Variants in DAGLA observed in about 807,000 individuals in gnomAD.
DAGLA encodes diacylglycerol lipase alpha, also known as diacylglycerol lipase-alpha.
Under a neutral mutation model 102.6 loss-of-function variants are expected in DAGLA, and 22 were observed. The observed-to-expected ratio is 0.21, with a 90% CI of 0.15 to 0.31. The LOEUF (loss-of-function observed/expected upper bound fraction) is 0.31. DAGLA is among the 10% of genes least tolerant of loss of function. The pLI is 1.00. For synonymous variants in DAGLA, 578 were observed against 628.9 expected, an observed-to-expected ratio of 0.92 and a Z score of 1.21; for missense variants, 927 against 1,446.6, an observed-to-expected ratio of 0.64 and a Z score of 5.83.
At chr11:61,730,554 G>A (rs909199403) in intron 8 of DAGLA, among the ~76,000 whole-genome samples, 5 of 152,094 alleles carry the variant, frequency 3.3e-5, no homozygotes, top group Admixed American at 1.3e-4. Context: ...TCCCTCTCCC[G>A]GTGCCTGGGG....
At chr11:61,713,146 A>C (rs1204054889) in intron 1 of DAGLA, among the ~76,000 whole-genome samples, 1 of 152,170 alleles carries the variant, frequency 6.6e-6, no homozygotes, top group Non-Finnish European at 1.5e-5. Flanking sequence ...GTGCTATCCC[A>C]CATGATTGTG....
chr11:61,695,658 C>G (rs2065058958), intron 1 of DAGLA, among the ~76,000 whole-genome samples: 1 of 152,222 alleles, frequency 6.6e-6, no homozygotes, highest in Non-Finnish European at 1.5e-5. Flanking sequence ...TTGTGCCTGG[C>G]TTTCTGTTCT....
Position 61,741,277 on chromosome 11 carries a change from C to A in DAGLA, c.2099C>A (p.Pro700His). ...CTCATCTTCCAGCAGCAGCCACTCC[C>A]CACGGGGCCGCCCATGCCCACTGGC... ...PELIFQQQPL[P>H]TGPPMPTGLA... Residue 700 changes from proline to histidine, a missense_variant, in exon 19 of 20, where the codon CCC (proline) becomes CAC (histidine). Pro to His is a moderately conservative substitution (Grantham distance 77). Around this residue, in one of 4 missense-constraint regions of DAGLA, gnomAD observed 434 missense variants for 503.3 expected, o/e 0.86. Transcript: ENST00000257215. The A allele has an allele frequency of 6.2e-7, 1 of 1,613,196 alleles. No individual in the cohort carries two copies. The highest frequency in any genetic ancestry group is 8.5e-7 in the Non-Finnish European group (1 of 1,180,020).
rs150918042 is a variant in DAGLA, at chr11:61,699,672, C to T, written c.-45+19168C>T. Among the ~76,000 whole-genome samples, 38 of 152,368 alleles carry T rather than the reference C, an allele frequency of 2.5e-4. No homozygotes were observed. The East Asian group carries it at 6.8e-3, about 27-fold the overall frequency. ...TCCCTGCGCTGCTTCTGTCACCTCA[C>T]AGTCAGGCCCCTCCGGGGAGTACAG... On this transcript the variant is annotated intron_variant, in intron 1 of 19. Coordinates refer to ENST00000257215, the MANE Select transcript of DAGLA (RefSeq NM_006133.3).
Position 61,706,792 on chromosome 11 carries a change from A to C in DAGLA, c.-44-13320A>C, listed in dbSNP as rs373341115. 2.0e-5 allele frequency among the ~76,000 whole-genome samples: 3 copies of C among 151,854 alleles called. No homozygotes were observed. The East Asian group carries it at 5.8e-4, about 29-fold the overall frequency. On this transcript the variant is annotated intron_variant, in intron 1 of 19. Transcript: ENST00000257215. ...GACTGGGCCTGCTGAGGAAGCAGGC[A>C]TTATCAGATTGCCTCCCCAAACCCT...
chr11:61,740,825 G>T (rs1011624149), intron 18 of DAGLA, among the ~76,000 whole-genome samples: 1 of 152,198 alleles, frequency 6.6e-6, no homozygotes, highest in Admixed American at 6.5e-5. Context: ...ACTCCCAGGG[G>T]CCTGTCCCTG....
chr11:61,717,713 G>A (rs1328265771), intron 1 of DAGLA, among the ~76,000 whole-genome samples: 1 of 152,200 alleles, frequency 6.6e-6, no homozygotes, highest in Non-Finnish European at 1.5e-5. Flanking sequence ...CCGGCCACTG[G>A]TGCAGGCCTG....
Position 61,746,088 on chromosome 11 carries a change from G to A in DAGLA, c.*1599G>A, listed in dbSNP as rs1463620857. 1 of 152,338 alleles carries A rather than the reference G, an allele frequency of 6.6e-6. No individual in the cohort carries two copies. Among genetic ancestry groups the A allele is most frequent in the Non-Finnish European group, 1.5e-5 (1 of 68,080 alleles). 9.4% of individuals were successfully genotyped at this position (152,338 alleles called of 1,614,324 possible). Reference sequence around the variant, plus strand: ...GTGGCCTAGGCTCCCCCGACCAAGAGACCTCCCTCTCATGATCACTGGTAC... The same window carrying A: ...GTGGCCTAGGCTCCCCCGACCAAGAAACCTCCCTCTCATGATCACTGGTAC... On this transcript the variant is annotated 3_prime_UTR_variant, in exon 20 of 20. Transcript: ENST00000257215.
At chr11:61,712,775 G>C (rs1322663007) in intron 1 of DAGLA, among the ~76,000 whole-genome samples, 1 of 152,216 alleles carries the variant, frequency 6.6e-6, no homozygotes, top group Non-Finnish European at 1.5e-5. Flanking sequence ...GGGAAGAAGG[G>C]GAAGGTACTG....
chr11:61,718,078 C>A (rs1243243912), intron 1 of DAGLA, among the ~76,000 whole-genome samples: 1 of 152,084 alleles, frequency 6.6e-6, no homozygotes, highest in Non-Finnish European at 1.5e-5. Context: ...AGAGGAGGGA[C>A]CTCCCAGGGT....
chr11:61,725,312 C>T (rs1014012439), intron 5 of DAGLA, among the ~76,000 whole-genome samples: 1 of 152,098 alleles, frequency 6.6e-6, no homozygotes, highest in African/African-American at 2.4e-5. Flanking sequence ...TCCTGGAGAC[C>T]CTGATTCTCC....
chr11:61,733,997 G>A (rs550610414), intron 9 of DAGLA, among the ~76,000 whole-genome samples: 1 of 152,324 alleles, frequency 6.6e-6, no homozygotes, highest in East Asian at 1.9e-4. Context: ...GCAGGTCAGA[G>A]AGACCAGAGC....
chr11:61,744,847 G>A lies in DAGLA; in HGVS notation c.*358G>A. On this transcript the variant is annotated 3_prime_UTR_variant, in exon 20 of 20. Transcript: ENST00000257215. The stretch of plus-strand genomic sequence containing the variant: ...GGCAAGCTGCCTCCCATCACTGCCT[G>A]CTGGCTGCTCTCCCAGGGGCCAGGT... The A allele has an allele frequency of 4.4e-6, 1 of 227,892 alleles. No homozygotes were observed. The highest frequency in any genetic ancestry group is 8.7e-6 in the Non-Finnish European group (1 of 115,456). The allele number at this position is 227,892 out of a possible 1,614,324, so 14.1% of individuals were successfully genotyped here.
At chr11:61,682,692 C>G (rs1446849034) in intron 1 of DAGLA, among the ~76,000 whole-genome samples, 1 of 152,144 alleles carries the variant, frequency 6.6e-6, no homozygotes, top group East Asian at 1.9e-4. Context: ...TGGAGAATTT[C>G]CTTTGGCTCT....
chr11:61,739,092 C>T (rs2065452420), intron 16 of DAGLA, among the ~76,000 whole-genome samples: 1 of 152,214 alleles, frequency 6.6e-6, no homozygotes, highest in Non-Finnish European at 1.5e-5. Context: ...CTGGACTCAA[C>T]TCCAGGGTGT....
chr11:61,683,935 C>T (rs553204000), intron 1 of DAGLA, among the ~76,000 whole-genome samples: 1 of 152,304 alleles, frequency 6.6e-6, no homozygotes, highest in African/African-American at 2.4e-5. Flanking sequence ...GTCATATTCC[C>T]ATTTTCCTTG....
At chr11:61,714,097 G>C (rs1349541134) in intron 1 of DAGLA, among the ~76,000 whole-genome samples, 1 of 152,206 alleles carries the variant, frequency 6.6e-6, no homozygotes, top group African/African-American at 2.4e-5. Context: ...GTGGCGTCCA[G>C]TGCTAGTTTT....
At chr11:61,725,293 G>A (rs1194465648) in intron 5 of DAGLA, among the ~76,000 whole-genome samples, 24 of 152,096 alleles carry the variant, frequency 1.6e-4, no homozygotes, top group Non-Finnish European at 1.0e-4. Context: ...TCTGCCTTTG[G>A]GTACAGACTC....
intron 1 of DAGLA, among the ~76,000 whole-genome samples, chr11:61,707,538 A>T (rs1591033354): frequency 6.6e-6 from 1 of 152,162 alleles, no homozygotes; most frequent in Non-Finnish European, 1.5e-5. Context: ...TCTTCTTGGG[A>T]ACTACAGTGT....
Sources: allele counts gnomAD v4.1 joint callset (sites outside exome capture counted in the v4.1 genomes callset), GRCh38; gene constraint gnomAD v4.1.1; regional missense constraint gnomAD v4.1.1; transcripts MANE v1.5; gene names NCBI Gene and HGNC (gene_info 2026-07-23, HGNC 2026-07-21).